SNTG1: variants seen among roughly 807,000 people sequenced by gnomAD.
The protein encoded by SNTG1 is gamma-1-syntrophin.
A neutral mutation model predicts 74.7 loss-of-function variants in SNTG1; 39 were observed. The observed-to-expected ratio is 0.52, with a 90% CI of 0.40 to 0.68. The LOEUF (loss-of-function observed/expected upper bound fraction) is 0.68, where lower values mean the gene tolerates loss of function less well. Ranked by LOEUF, SNTG1 falls within the 30% of genes least tolerant of loss-of-function variation. The pLI, the probability that SNTG1 is intolerant of heterozygous loss-of-function variation, is 0.00. For synonymous variants in SNTG1, 254 were observed against 217.1 expected (o/e 1.17, Z -1.49); for missense variants, 685 against 609.5 (o/e 1.12, Z -1.30).
At chr8:50,089,698 C>T (rs1439573017) in intron 1 of SNTG1, among the ~76,000 whole-genome samples, 3 of 152,144 alleles carry the variant, frequency 2.0e-5, no homozygotes, top group African/African-American at 4.8e-5. Flanking sequence ...AAATCAAAAC[C>T]ACAATGAGAT....
chr8:50,530,203 ACCTC>A lies in SNTG1; in HGVS notation c.495_498del (p.Ser166LeufsTer31), dbSNP rs1166607483. 1 of 1,613,482 alleles carries A rather than the reference ACCTC, an allele frequency of 6.2e-7. No individual in the cohort carries two copies. The highest frequency in any genetic ancestry group is 1.7e-5 in the Admixed American group (1 of 59,948). On this transcript the variant is annotated frameshift_variant, in exon 10 of 19. Transcript: ENST00000642720. LOFTEE classifies it high-confidence loss of function. ...TGCTCCAAGTGACCAGAGCAGTGGC[ACCTC>A]CTCTCCTCTCTGTGACAGTGGCTTA...
intron 2 of SNTG1, among the ~76,000 whole-genome samples, chr8:50,365,528 A>T (rs1002810864): frequency 1.3e-5 from 2 of 152,134 alleles, no homozygotes; most frequent in Non-Finnish European, 2.9e-5. Context: ...GATATATCTG[A>T]TCTAAAGTAT....
At chr8:50,696,451 T>C (rs1435170580) in intron 15 of SNTG1, among the ~76,000 whole-genome samples, 1 of 152,026 alleles carries the variant, frequency 6.6e-6, no homozygotes, top group Non-Finnish European at 1.5e-5. Context: ...TTCTTTTGCT[T>C]TGCAGAAGTT....
chr8:50,138,212 C>G (rs1326447619), intron 1 of SNTG1, among the ~76,000 whole-genome samples: 1 of 151,964 alleles, frequency 6.6e-6, no homozygotes, highest in Non-Finnish European at 1.5e-5. Flanking sequence ...CCCTGAAATT[C>G]ACACATATGT....
At chr8:50,214,414 TAAAATA>T (rs752142739) in intron 2 of SNTG1, among the ~76,000 whole-genome samples, 3 of 151,592 alleles carry the variant, frequency 2.0e-5, no homozygotes, top group Non-Finnish European at 2.9e-5. Context: ...ATAATAATAA[TAAAATA>T]AAAATAAAAA....
intron 11 of SNTG1, among the ~76,000 whole-genome samples, chr8:50,545,689 T>G (rs2094382424): frequency 6.6e-6 from 1 of 152,040 alleles, no homozygotes; most frequent in East Asian, 1.9e-4. Context: ...TCGATAATAT[T>G]GAAAGTAGGC....
intron 8 of SNTG1, among the ~76,000 whole-genome samples, chr8:50,486,861 G>A (rs1363932646): frequency 1.3e-5 from 2 of 152,136 alleles, no homozygotes; most frequent in Admixed American, 6.5e-5. Flanking sequence ...TTAGCATGAA[G>A]CGTTGTTGAA....
intron 1 of SNTG1, among the ~76,000 whole-genome samples, chr8:50,081,909 G>A (rs1048986412): frequency 1.4e-4 from 21 of 152,156 alleles, no homozygotes; most frequent in Non-Finnish European, 4.4e-5. Context: ...AGGATTACAG[G>A]CGTGAGCCAT....
intron 17 of SNTG1, among the ~76,000 whole-genome samples, chr8:50,746,095 G>GAATTTAATAAT (rs2095554575): frequency 1.3e-5 from 2 of 151,776 alleles, no homozygotes; most frequent in Non-Finnish European, 2.9e-5. Context: ...AATTGTTAAT[G>GAATTTAATAAT]TTAAATAATA....
intron 12 of SNTG1, among the ~76,000 whole-genome samples, chr8:50,580,569 A>G (rs1441718748): frequency 6.6e-6 from 1 of 152,044 alleles, no homozygotes; most frequent in Non-Finnish European, 1.5e-5. Context: ...TAACTGAATC[A>G]TGGGGATGGT....
chr8:50,271,743 G>A (rs1193346583), intron 2 of SNTG1, among the ~76,000 whole-genome samples: 2 of 152,082 alleles, frequency 1.3e-5, no homozygotes, highest in African/African-American at 4.8e-5. Context: ...GATTCTCTGG[G>A]AATCTCTGGG....
chr8:50,570,212 A>C (rs2094538956), intron 12 of SNTG1, among the ~76,000 whole-genome samples: 1 of 56,634 alleles, frequency 1.8e-5, no homozygotes. Context: ...TTGCTGGTTC[A>C]TATGGTGGTT....
intron 13 of SNTG1, among the ~76,000 whole-genome samples, chr8:50,655,530 A>T (rs2095174841): frequency 6.6e-6 from 1 of 152,228 alleles, no homozygotes; most frequent in South Asian, 2.1e-4. Flanking sequence ...ATTCTAACTT[A>T]TATCAAGTTT....
intron 15 of SNTG1, among the ~76,000 whole-genome samples, chr8:50,697,268 T>C (rs998664632): frequency 2.6e-5 from 4 of 152,302 alleles, no homozygotes; most frequent in East Asian, 1.9e-4. Flanking sequence ...GATTTTTGTA[T>C]GTTAATTTTG....
chr8:50,553,184 G>A lies in SNTG1; in HGVS notation c.810+5G>A. 1 of 1,613,658 alleles carries A rather than the reference G, an allele frequency of 6.2e-7. No homozygotes were observed. The highest frequency in any genetic ancestry group is 1.1e-5 in the South Asian group (1 of 91,082). On this transcript the variant is annotated splice_donor_5th_base_variant and intron_variant, in intron 12 of 18. Coordinates refer to ENST00000642720, the MANE Select transcript of SNTG1 (RefSeq NM_018967.5). ...TCAAATCTCACAAAGCACAATGTAA[G>A]TAATGATTCAAGGAATACCTAGCCA...
intron 4 of SNTG1, among the ~76,000 whole-genome samples, chr8:50,426,817 A>T (rs1361774711): frequency 2.0e-5 from 3 of 152,014 alleles, no homozygotes; most frequent in Non-Finnish European, 4.4e-5. Flanking sequence ...AAAAAAATAC[A>T]ACAATAAGAA....
At chr8:50,573,049 G>A (rs1214872527) in intron 12 of SNTG1, among the ~76,000 whole-genome samples, 1 of 151,922 alleles carries the variant, frequency 6.6e-6, no homozygotes, top group Non-Finnish European at 1.5e-5. Flanking sequence ...TAAAAAATTG[G>A]TATCGTTAAG....
At chr8:50,778,152 G>A (rs573748409) in intron 18 of SNTG1, among the ~76,000 whole-genome samples, 44 of 152,184 alleles carry the variant, frequency 2.9e-4, no homozygotes, top group South Asian at 6.2e-4. Context: ...GAATAGTGCC[G>A]CAATAAACAT....
chr8:50,778,496 G>A (rs2095648051), intron 18 of SNTG1, among the ~76,000 whole-genome samples: 1 of 151,916 alleles, frequency 6.6e-6, no homozygotes, highest in Non-Finnish European at 1.5e-5. Context: ...CTGCATAAAT[G>A]TCTTCTTTTG....
Sources: allele counts gnomAD v4.1 joint callset (sites outside exome capture counted in the v4.1 genomes callset), GRCh38; gene constraint gnomAD v4.1.1; transcripts MANE v1.5; gene names NCBI Gene and HGNC (gene_info 2026-07-23, HGNC 2026-07-21).